The following ZFHX4 variants were observed in gnomAD, a reference collection of about 807,000 sequenced individuals.
ZFHX4 encodes zinc finger homeobox 4.
ZFHX4 carries 56 observed loss-of-function variants against 267.6 expected under a neutral mutation model. That is an observed-to-expected ratio of 0.21 (90% CI 0.17 to 0.26). The LOEUF is 0.26. Among genes scored for constraint, ZFHX4 ranks in the 10% least tolerant of loss-of-function variants. The pLI is 1.00. For missense variants in ZFHX4, 4,332 were observed against 4,420.0 expected (o/e 0.98, Z 0.56); for synonymous variants, 1,778 against 1,665.6 (o/e 1.07, Z -1.64).
At chr8:76,703,988 T>C in intron 1 of ZFHX4, 55 bp from the exon 2 acceptor site, 1 of 1,178,910 alleles carries the variant, frequency 8.5e-7, no homozygotes, top group Non-Finnish European at 1.2e-6. Context: ...GGGCTATTAG[T>C]GAGCTGTGTC....
chr8:76,855,165 G>A lies in ZFHX4; in HGVS notation c.8244G>A (p.Leu2748=). The part of the protein sequence containing the change: ...TKIDLSSENE[L]ASTVSTPVSK... The stretch of plus-strand genomic sequence containing the variant: ...TTGATCTATCAAGTGAGAATGAATT[G>A]GCTTCTACAGTGTCAACACCTGTTA... The change falls in exon 10 of 11, where the codon TTG becomes TTA. Residue 2748 remains leucine, a synonymous_variant. Transcript: ENST00000651372. 6.2e-7 allele frequency: 1 copy of A among 1,613,578 alleles called. No individual in the cohort carries two copies. The highest frequency in any genetic ancestry group is 8.5e-7 in the Non-Finnish European group (1 of 1,179,760).
chr8:76,707,853 A>G lies in ZFHX4; in HGVS notation c.2898A>G (p.Lys966=), dbSNP rs1235921677. Residue 966 remains lysine (K), a synonymous_variant, in exon 3 of 11, where the codon AAA becomes AAG. Transcript: ENST00000651372. ...ANFQLHCKTD[K]HMQKYQLVAH... ...TCCAGCTACACTGCAAGACTGATAA[A>G]CATATGCAGAAATATCAACTGGTGG... 1 of 1,614,176 alleles carries G rather than the reference A, an allele frequency of 6.2e-7. No individual in the cohort carries two copies. Among genetic ancestry groups the G allele is most frequent in the East Asian group, 2.2e-5 (1 of 44,884 alleles).
rs373930977 is a variant in ZFHX4 at position 76,829,510 on chromosome 8, C to T, written c.3326-3828C>T. Among the ~76,000 whole-genome samples the T allele has an allele frequency of 9.9e-5, 15 of 152,048 alleles. No homozygotes were observed. The East Asian group carries it at 2.5e-3, about 25-fold the overall frequency. On this transcript the variant is annotated intron_variant, in intron 4 of 10. Coordinates refer to ENST00000651372, the MANE Select transcript of ZFHX4 (RefSeq NM_024721.5). Reference sequence around the variant, plus strand: ...GGGCTGTGAGAACTTTCATTCTTAACGATTAAAAGGAATTGACCAGCCAGG... The same window carrying T: ...GGGCTGTGAGAACTTTCATTCTTAATGATTAAAAGGAATTGACCAGCCAGG...
rs1299590503 is a variant in ZFHX4, at chr8:76,855,660, C to T, written c.8739C>T (p.Phe2913=). 1.2e-5 allele frequency: 20 copies of T among 1,613,780 alleles called. No individual in the cohort carries two copies. Among genetic ancestry groups the T allele is most frequent in the East Asian group, 4.5e-5 (2 of 44,842 alleles). Residue 2913 remains phenylalanine, a synonymous_variant, in exon 10 of 11, where the codon TTC becomes TTT. Transcript: ENST00000651372. ...CGGACCCGAGCTCCCCAAATCCATT[C>T]GGATCCAGCAATCCCTTTAAATCCA... ...SIADPSSPNP[F]GSSNPFKSKS...
chr8:76,736,401 C>T (rs1809162059), intron 3 of ZFHX4, among the ~76,000 whole-genome samples: 1 of 151,790 alleles, frequency 6.6e-6, no homozygotes, highest in South Asian at 2.1e-4. Flanking sequence ...TAAACTTTTC[C>T]TTTTGTGGTT....
At chr8:76,727,176 A>G (rs965588846) in intron 3 of ZFHX4, among the ~76,000 whole-genome samples, 24 of 152,158 alleles carry the variant, frequency 1.6e-4, no homozygotes, top group Non-Finnish European at 2.8e-4. Context: ...ACTGAGAGTG[A>G]CAGGCAGGGC....
chr8:76,802,207 C>G (rs549055738), intron 4 of ZFHX4, among the ~76,000 whole-genome samples: 6 of 152,096 alleles, frequency 3.9e-5, no homozygotes, highest in Non-Finnish European at 8.8e-5. Context: ...GGCAAGGCAG[C>G]CTTCAAGATT....
chr8:76,685,435 C>T (rs1015902276), intron 1 of ZFHX4, among the ~76,000 whole-genome samples: 12 of 152,014 alleles, frequency 7.9e-5, no homozygotes, highest in Non-Finnish European at 1.0e-4. Flanking sequence ...TTAGGATTTT[C>T]GTTATAAAGA....
At chr8:76,814,102 C>T (rs1811444383) in intron 4 of ZFHX4, among the ~76,000 whole-genome samples, 1 of 152,052 alleles carries the variant, frequency 6.6e-6, no homozygotes, top group African/African-American at 2.4e-5. Context: ...GACAGAGTCT[C>T]ACACTGTCAC....
At chr8:76,814,302 T>A (rs1445474390) in intron 4 of ZFHX4, among the ~76,000 whole-genome samples, 2 of 152,244 alleles carry the variant, frequency 1.3e-5, no homozygotes, top group African/African-American at 4.8e-5. Flanking sequence ...TCCAATTAGA[T>A]GACTTAATCC....
intron 1 of ZFHX4, among the ~76,000 whole-genome samples, chr8:76,699,944 A>T (rs1313723142): frequency 3.3e-5 from 5 of 151,868 alleles, no homozygotes; most frequent in Non-Finnish European, 5.9e-5. Context: ...TATACTTGTG[A>T]AGGTCTATTC....
intron 5 of ZFHX4, among the ~76,000 whole-genome samples, chr8:76,841,335 G>C (rs1159961707): frequency 6.6e-6 from 1 of 152,100 alleles, no homozygotes; most frequent in Non-Finnish European, 1.5e-5. Flanking sequence ...TGCTACATAT[G>C]ACAGTGGATA....
Position 76,705,313 on chromosome 8 carries a change from G to A in ZFHX4, c.1225G>A (p.Gly409Arg). 1.2e-6 allele frequency: 2 copies of A among 1,613,998 alleles called. No individual in the cohort carries two copies. The highest frequency in any genetic ancestry group is 2.2e-5 in the East Asian group (1 of 44,876). ...TQMPKAEVNL[G>R]GLSSLVVNTP... ...AATGCCAAAGGCTGAAGTGAATCTG[G>A]GGGGGCTGTCTAGTTTAGTAGTGAA... The change falls in exon 2 of 11, where the codon GGG becomes AGG. Residue 409 changes from glycine (G) to arginine (R), a missense_variant. Transcript: ENST00000651372.
chr8:76,793,292 C>A (rs1810888142), intron 4 of ZFHX4, among the ~76,000 whole-genome samples: 1 of 151,294 alleles, frequency 6.6e-6, no homozygotes, highest in Admixed American at 6.6e-5. Context: ...GGCATACATA[C>A]AGGCGTTCTC....
At position 76,863,329 on chromosome 8, in the gene ZFHX4, G is replaced by A. The variant is rs762319501; in HGVS notation, c.9615G>A (p.Glu3205=). 1.9e-6 allele frequency: 3 copies of A among 1,613,176 alleles called. No individual in the cohort carries two copies. The highest frequency in any genetic ancestry group is 1.7e-5 in the Admixed American group (1 of 59,832). The change falls in exon 11 of 11, where the codon GAG becomes GAA. Residue 3205 remains glutamate, a synonymous_variant. Coordinates refer to ENST00000651372, the MANE Select transcript of ZFHX4 (RefSeq NM_024721.5). ...KPNKVKKIKE[E]ELEATKPEKH... ...ACAAGGTGAAAAAAATCAAAGAGGA[G>A]GAATTAGAGGCCACCAAACCCGAAA...
Position 76,731,324 on chromosome 8 carries a change from C to T in ZFHX4, c.3093+23276C>T, listed in dbSNP as rs139679389. ...AGAGAGTACAGTTAGTAGGGCAAAA[C>T]AGGAAGTGTTTGGCTCGATACTAGC... On this transcript the variant is annotated intron_variant, in intron 3 of 10. Transcript: ENST00000651372. Among the ~76,000 whole-genome samples the T allele has an allele frequency of 4.8e-3, 727 of 152,234 alleles. 14 individuals carry two copies. Among genetic ancestry groups the T allele is most frequent in the African/African-American group, 0.016 (677 of 41,532 alleles).
At chr8:76,754,078 A>G (rs1809699007) in intron 3 of ZFHX4, among the ~76,000 whole-genome samples, 2 of 152,176 alleles carry the variant, frequency 1.3e-5, no homozygotes, top group African/African-American at 2.4e-5. Flanking sequence ...CGTGATTCTT[A>G]TAGGTGTTAT....
rs559774585 is a variant in ZFHX4, at chr8:76,863,785, G to A, written c.10071G>A (p.Pro3357=). Residue 3357 remains proline, a synonymous_variant, in exon 11 of 11, where the codon CCG becomes CCA. Coordinates refer to ENST00000651372, the MANE Select transcript of ZFHX4 (RefSeq NM_024721.5). ...AKTSKVESDQ[P]QNSNDASETK... is the part of the protein sequence containing the mutation. ...CATCCAAAGTAGAAAGTGACCAGCC[G>A]CAAAACTCCAACGATGCTTCAGAAA... 10 of 1,552,062 alleles carry A rather than the reference G, an allele frequency of 6.4e-6. No homozygotes were observed. The highest frequency in any genetic ancestry group is 2.7e-5 in the African/African-American group (2 of 73,034).
intron 6 of ZFHX4, among the ~76,000 whole-genome samples, chr8:76,847,730 G>C: frequency 6.6e-6 from 1 of 151,418 alleles, no homozygotes. Flanking sequence ...AGTTGAAATA[G>C]AATGTATTTT....
Sources: allele counts gnomAD v4.1 joint callset (sites outside exome capture counted in the v4.1 genomes callset), GRCh38; gene constraint gnomAD v4.1.1; transcripts MANE v1.5; gene names NCBI Gene and HGNC (gene_info 2026-07-23, HGNC 2026-07-21).